The following MAST4 variants were observed in gnomAD, a reference collection of about 807,000 sequenced individuals.
MAST4 encodes the protein microtubule-associated serine/threonine-protein kinase 4.
In MAST4, 89 loss-of-function variants were observed where a neutral mutation model predicts 162.7. The observed-to-expected ratio is 0.55, with a 90% CI of 0.46 to 0.65. The LOEUF (loss-of-function observed/expected upper bound fraction) is 0.65. Ranked by LOEUF, MAST4 falls within the 30% of genes least tolerant of loss-of-function variation. The pLI, the probability that MAST4 is intolerant of heterozygous loss-of-function variation, is 0.00. For synonymous variants in MAST4, 1,479 were observed against 1,361.1 expected, an observed-to-expected ratio of 1.09 and a Z score of -1.91; for missense variants, 3,153 against 3,374.0, an observed-to-expected ratio of 0.93 and a Z score of 1.62.
At chr5:66,973,477 A>G (rs1747719906) in intron 4 of MAST4, among the ~76,000 whole-genome samples, 1 of 152,166 alleles carries the variant, frequency 6.6e-6, no homozygotes, top group Non-Finnish European at 1.5e-5. Context: ...CTTTAGATTC[A>G]GGTTAAACAT....
intron 3 of MAST4, among the ~76,000 whole-genome samples, chr5:66,869,059 C>G (rs1760737863): frequency 1.3e-5 from 2 of 152,020 alleles, no homozygotes; most frequent in South Asian, 4.2e-4. Context: ...AATTTTTTTC[C>G]CGATGAGTAG....
intron 1 of MAST4, among the ~76,000 whole-genome samples, chr5:66,665,339 G>A (rs888433707): frequency 5.3e-5 from 8 of 152,078 alleles, no homozygotes; most frequent in African/African-American, 1.4e-4. Flanking sequence ...GTCTTTTAGC[G>A]GCTAACAATG....
chr5:66,747,044 C>A (rs933547684), intron 1 of MAST4, among the ~76,000 whole-genome samples: 2 of 150,904 alleles, frequency 1.3e-5, no homozygotes, highest in African/African-American at 4.9e-5. Flanking sequence ...CGTGCTCTGT[C>A]CTTGGGGCTG....
At chr5:67,123,051 CA>C (rs1767772013) in intron 14 of MAST4, among the ~76,000 whole-genome samples, 1 of 152,198 alleles carries the variant, frequency 6.6e-6, no homozygotes, top group Non-Finnish European at 1.5e-5. Flanking sequence ...GAACCACCCC[CA>C]TTGGTTCACC....
At chr5:66,780,037 A>G (rs757583216) in intron 2 of MAST4, among the ~76,000 whole-genome samples, 8 of 152,166 alleles carry the variant, frequency 5.3e-5, no homozygotes, top group African/African-American at 7.2e-5. Context: ...TGGCCAAGCA[A>G]GGGATTGGGG....
intron 3 of MAST4, among the ~76,000 whole-genome samples, chr5:66,899,726 G>C (rs1762891202): frequency 6.6e-6 from 1 of 152,108 alleles, no homozygotes; most frequent in African/African-American, 2.4e-5. Flanking sequence ...TGGTTTTTCT[G>C]CTCTGGAATT....
chr5:67,137,415 A>G (rs146283300), intron 19 of MAST4, among the ~76,000 whole-genome samples: 2,072 of 152,332 alleles, frequency 0.014, 16 homozygotes, highest in Middle Eastern at 0.027. Context: ...ATATAAATGC[A>G]TATAGTCTAG....
Position 66,908,463 on chromosome 5 carries a change from T to C in MAST4, c.674+8481T>C, listed in dbSNP as rs1039479062. On this transcript the variant is annotated intron_variant, in intron 4 of 28. Coordinates refer to ENST00000403625, the MANE Select transcript of MAST4 (RefSeq NM_001164664.2). ...GGGTAAGGTAGAGGCTTGAGTACTT[T>C]TAACCACTTTTCAAGGTGAATCTAA... 4.6e-5 allele frequency among the ~76,000 whole-genome samples: 7 copies of C among 152,212 alleles called. No homozygotes were observed. In the East Asian group the frequency reaches 1.4e-3, roughly 29 times the overall value.
chr5:66,791,670 T>C (rs573483341), intron 3 of MAST4, among the ~76,000 whole-genome samples: 66 of 152,340 alleles, frequency 4.3e-4, no homozygotes, highest in African/African-American at 1.5e-3. Flanking sequence ...TTATTATTTC[T>C]GTTGTTGTTA....
At chr5:66,609,549 C>G (rs941477334) in intron 1 of MAST4, among the ~76,000 whole-genome samples, 9 of 150,698 alleles carry the variant, frequency 6.0e-5, no homozygotes, top group Non-Finnish European at 1.0e-4. Flanking sequence ...ACTACCACGG[C>G]CAGCTAATTT....
chr5:66,891,712 C>G (rs1277636721), intron 3 of MAST4, among the ~76,000 whole-genome samples: 2 of 152,166 alleles, frequency 1.3e-5, no homozygotes, highest in African/African-American at 4.8e-5. Context: ...CTGGAATTCC[C>G]CTTTCTCACC....
At chr5:66,930,003 A>G (rs967976392) in intron 4 of MAST4, among the ~76,000 whole-genome samples, 33 of 152,188 alleles carry the variant, frequency 2.2e-4, no homozygotes, top group Non-Finnish European at 2.9e-5. Context: ...AGACCTTTCC[A>G]TAGGAACCCC....
intron 3 of MAST4, among the ~76,000 whole-genome samples, chr5:66,844,934 C>G (rs976162685): frequency 1.3e-5 from 2 of 151,150 alleles, no homozygotes; most frequent in African/African-American, 2.4e-5. Context: ...GAGAAGGATG[C>G]AAATGGCCTA....
intron 4 of MAST4, among the ~76,000 whole-genome samples, chr5:66,904,217 T>G (rs1254987075): frequency 6.6e-6 from 1 of 152,172 alleles, no homozygotes; most frequent in African/African-American, 2.4e-5. Context: ...GAGTCCAAGA[T>G]GATTAGGAGC....
In MAST4 at chr5:67,031,235, T is replaced by G. The variant is rs1452856245; in HGVS notation, c.675-23169T>G. 2.6e-5 allele frequency among the ~76,000 whole-genome samples: 4 copies of G among 152,324 alleles called. No individual in the cohort carries two copies. The East Asian group carries it at 7.7e-4, about 29-fold the overall frequency. ...TTCCTCTGCATAGATACAGAGAATC[T>G]GTCAGCTCCCTGGCTAGTCCAGCAG... On this transcript the variant is annotated intron_variant, in intron 4 of 28. Transcript: ENST00000403625.
intron 5 of MAST4, among the ~76,000 whole-genome samples, chr5:67,061,515 G>T (rs1295184): frequency 0.99 from 149,074 of 150,390 alleles, 73,898 homozygotes; most frequent in Non-Finnish European, 1. Context: ...AACAGTGAGG[G>T]TTTTTTTTTT....
intron 1 of MAST4, among the ~76,000 whole-genome samples, chr5:66,744,045 C>T (rs1000973877): frequency 1.3e-5 from 2 of 152,060 alleles, no homozygotes; most frequent in Non-Finnish European, 2.9e-5. Context: ...TTCTTTATCC[C>T]TCAGTCATTT....
intron 3 of MAST4, among the ~76,000 whole-genome samples, chr5:66,794,839 TATAA>T (rs1755574083): frequency 6.6e-6 from 1 of 152,234 alleles, no homozygotes; most frequent in African/African-American, 2.4e-5. Flanking sequence ...CATGATGTTC[TATAA>T]ATATTAAAAC....
intron 2 of MAST4, among the ~76,000 whole-genome samples, chr5:66,770,005 A>G (rs1344272500): frequency 1.3e-5 from 2 of 152,230 alleles, no homozygotes; most frequent in African/African-American, 4.8e-5. Flanking sequence ...GCACATAACT[A>G]ATGACAAGAA....
Sources: allele counts gnomAD v4.1 joint callset (sites outside exome capture counted in the v4.1 genomes callset), GRCh38; gene constraint gnomAD v4.1.1; transcripts MANE v1.5; gene names NCBI Gene and HGNC (gene_info 2026-07-23, HGNC 2026-07-21).